Variants in AOPEP observed in about 807,000 individuals in gnomAD.
AOPEP encodes the protein aminopeptidase O.
AOPEP carries 77 observed loss-of-function variants against 98.1 expected under a neutral mutation model. The ratio of observed to expected loss-of-function variants is 0.78; its 90% CI spans 0.65 to 0.95. AOPEP has a LOEUF of 0.95. Among genes scored for constraint, AOPEP ranks in the 40% least tolerant of loss-of-function variants. The pLI is 0.00. For synonymous variants in AOPEP, 346 were observed against 365.3 expected (o/e 0.95, Z 0.60); for missense variants, 1,024 against 1,024.7 (o/e 1.00, Z 0.01).
At chr9:95,001,286 C>T (rs1363197141) in intron 11 of AOPEP, among the ~76,000 whole-genome samples, 1 of 152,232 alleles carries the variant, frequency 6.6e-6, no homozygotes, top group Non-Finnish European at 1.5e-5. Context: ...GTATTTTCCT[C>T]AGCCTCGGAC....
chr9:94,941,206 C>T (rs1288071284), intron 7 of AOPEP, among the ~76,000 whole-genome samples: 1 of 152,232 alleles, frequency 6.6e-6, no homozygotes, highest in African/African-American at 2.4e-5. Flanking sequence ...TGTAAAGCTC[C>T]TCTGGCCTCT....
intron 11 of AOPEP, among the ~76,000 whole-genome samples, chr9:94,999,669 G>A (rs943345633): frequency 2.6e-5 from 4 of 152,170 alleles, no homozygotes; most frequent in African/African-American, 9.7e-5. Flanking sequence ...GTGCCCATAA[G>A]ACCAAGTCCA....
At chr9:94,863,008 A>G (rs893398279) in intron 5 of AOPEP, among the ~76,000 whole-genome samples, 7 of 152,190 alleles carry the variant, frequency 4.6e-5, no homozygotes, top group African/African-American at 1.4e-4. Flanking sequence ...TGTTTTCCAA[A>G]TTATTTTCAA....
chr9:95,144,728 C>T, the AOPEP span, among the ~76,000 whole-genome samples: 1 of 152,180 alleles, frequency 6.6e-6, no homozygotes, highest in Non-Finnish European at 1.5e-5. Flanking sequence ...GTTAAATATT[C>T]TTTGTAAGTA....
the AOPEP span, chr9:95,109,798 A>G: frequency 1.3e-5 from 2 of 152,240 alleles, no homozygotes; most frequent in African/African-American, 4.8e-5. Flanking sequence ...GCTAATTTCA[A>G]TTCAATCACA....
chr9:94,945,530 C>T (rs568224055), intron 7 of AOPEP, among the ~76,000 whole-genome samples: 1 of 152,280 alleles, frequency 6.6e-6, no homozygotes, highest in South Asian at 2.1e-4. Context: ...GAGGACTCGT[C>T]CTCTTGTGCA....
intron 2 of AOPEP, among the ~76,000 whole-genome samples, chr9:94,764,987 T>C (rs1839219533): frequency 6.6e-6 from 1 of 152,190 alleles, no homozygotes; most frequent in African/African-American, 2.4e-5. Flanking sequence ...TTGTAAGAGC[T>C]GTTTTCTCAC....
At chr9:95,122,178 T>C in the AOPEP span, among the ~76,000 whole-genome samples, 10 of 152,184 alleles carry the variant, frequency 6.6e-5, no homozygotes, top group African/African-American at 2.4e-4. Flanking sequence ...AAACCAGAGG[T>C]TACCTGGAGG....
chr9:94,954,125 C>G (rs1401161556), intron 7 of AOPEP, among the ~76,000 whole-genome samples: 1 of 152,024 alleles, frequency 6.6e-6, no homozygotes, highest in African/African-American at 2.4e-5. Flanking sequence ...GAGTTCGAGA[C>G]CAGCCTGGCC....
At chr9:94,729,967 C>T (rs949066908) in intron 1 of AOPEP, among the ~76,000 whole-genome samples, 1 of 152,118 alleles carries the variant, frequency 6.6e-6, no homozygotes, top group African/African-American at 2.4e-5. Flanking sequence ...GAAATTATGT[C>T]ACAGGTGGAA....
At chr9:95,073,391 T>A (rs898538845) in intron 14 of AOPEP, among the ~76,000 whole-genome samples, 1 of 151,256 alleles carries the variant, frequency 6.6e-6, no homozygotes, top group African/African-American at 2.4e-5. Context: ...TTTCACACTG[T>A]CCGGGAGTCA....
chr9:94,812,446 A>T (rs1850818429), intron 5 of AOPEP, among the ~76,000 whole-genome samples: 3 of 152,062 alleles, frequency 2.0e-5, no homozygotes, highest in Admixed American at 2.0e-4. Context: ...GCTCCAAGGG[A>T]CTCAAACCAC....
downstream of AOPEP, among the ~76,000 whole-genome samples, chr9:95,091,020 C>A (rs1270232625): frequency 1.3e-5 from 2 of 152,198 alleles, no homozygotes; most frequent in East Asian, 3.9e-4. Flanking sequence ...TCGATTCAGC[C>A]TGCAACAGCC....
At chr9:94,803,510 CTT>C (rs1848618573) in intron 5 of AOPEP, among the ~76,000 whole-genome samples, 1 of 152,124 alleles carries the variant, frequency 6.6e-6, no homozygotes, top group African/African-American at 2.4e-5. Flanking sequence ...AAAGTCTCCT[CTT>C]TGATTCTGTT....
At chr9:94,997,751 T>A (rs2061331864) in intron 11 of AOPEP, among the ~76,000 whole-genome samples, 1 of 152,242 alleles carries the variant, frequency 6.6e-6, no homozygotes, top group Admixed American at 6.5e-5. Context: ...TGGAGTGCGG[T>A]GGCACAACAG....
chr9:94,920,553 G>A (rs1304433969), intron 5 of AOPEP, among the ~76,000 whole-genome samples: 1 of 152,082 alleles, frequency 6.6e-6, no homozygotes, highest in East Asian at 1.9e-4. Context: ...TGCTGGTCAG[G>A]GCTCCACGGA....
chr9:95,005,089 A>T, intron 11 of AOPEP, 69 bp from the exon 12 acceptor site: 4 of 795,416 alleles, frequency 5.0e-6, no homozygotes, highest in Non-Finnish European at 6.2e-6. Context: ...ACGCCGAGTT[A>T]GCGGGCGCGG....
chr9:95,016,329 G>C (rs532610235), intron 13 of AOPEP, among the ~76,000 whole-genome samples: 1 of 146,860 alleles, frequency 6.8e-6, no homozygotes, highest in Non-Finnish European at 1.5e-5. Flanking sequence ...TGCAACGTCA[G>C]CCTCCCGGGT....
chr9:94,838,693 C>T (rs991269047), intron 5 of AOPEP, among the ~76,000 whole-genome samples: 5 of 152,166 alleles, frequency 3.3e-5, no homozygotes, highest in African/African-American at 7.2e-5. Context: ...GACATCTTGA[C>T]CATGGTTATT....
Sources: gnomAD v4.1 joint callset for allele counts (sites outside exome capture counted in the v4.1 genomes callset) on GRCh38, gnomAD v4.1.1 for gene constraint, MANE v1.5 for transcripts, NCBI Gene and HGNC (gene_info 2026-07-23, HGNC 2026-07-21) for gene names.